RTN1: variants seen among roughly 807,000 people sequenced by gnomAD.
RTN1 encodes reticulon 1.
A neutral mutation model predicts 65.5 loss-of-function variants in RTN1; 25 were observed. That is an observed-to-expected ratio of 0.38 (90% CI 0.28 to 0.53). The LOEUF is 0.53. RTN1 is among the 20% of genes least tolerant of loss of function. The probability of loss-of-function intolerance (pLI) is 0.79; values close to 1 mark genes in which losing one functional copy is unlikely to be tolerated. For synonymous variants in RTN1, 471 were observed against 447.6 expected (o/e 1.05, Z -0.66); for missense variants, 983 against 1,025.4 (o/e 0.96, Z 0.57).
At chr14:59,664,686 G>A (rs1453756931) in intron 3 of RTN1, among the ~76,000 whole-genome samples, 1 of 152,042 alleles carries the variant, frequency 6.6e-6, no homozygotes, top group African/African-American at 2.4e-5. Context: ...TCAACAGTTT[G>A]TTCCTTTTTA....
intron 1 of RTN1, among the ~76,000 whole-genome samples, chr14:59,812,274 G>T (rs541357474): frequency 2.6e-5 from 4 of 152,168 alleles, no homozygotes; most frequent in Admixed American, 6.5e-5. Flanking sequence ...GAGGGTAAAA[G>T]ACATAACATT....
intron 2 of RTN1, among the ~76,000 whole-genome samples, chr14:59,730,570 C>G (rs1884876952): frequency 6.6e-6 from 1 of 152,080 alleles, no homozygotes; most frequent in African/African-American, 2.4e-5. Context: ...AAAGCACAAT[C>G]AACAGAACAG....
At chr14:59,859,034 T>A (rs901348618) in intron 1 of RTN1, among the ~76,000 whole-genome samples, 1 of 152,200 alleles carries the variant, frequency 6.6e-6, no homozygotes, top group African/African-American at 2.4e-5. Flanking sequence ...TAGAGGAGGA[T>A]TTTTAAAAGG....
At chr14:59,674,482 A>C (rs1259300100) in intron 3 of RTN1, among the ~76,000 whole-genome samples, 8 of 152,238 alleles carry the variant, frequency 5.3e-5, no homozygotes, top group Admixed American at 3.3e-4. Flanking sequence ...CAGATTAAGA[A>C]GCACGGAGTT....
chr14:59,677,357 A>ATGGTACCCCAC (rs1401440521), intron 3 of RTN1, among the ~76,000 whole-genome samples: 1 of 152,164 alleles, frequency 6.6e-6, no homozygotes, highest in Non-Finnish European at 1.5e-5. Context: ...TTTTCCAGGG[A>ATGGTACCCCAC]TGCTGGTACC....
intron 2 of RTN1, among the ~76,000 whole-genome samples, chr14:59,742,084 A>C (rs1207785632): frequency 6.6e-6 from 1 of 152,230 alleles, no homozygotes; most frequent in East Asian, 1.9e-4. Flanking sequence ...TCTGATGTAT[A>C]GAAGTCACTC....
intron 1 of RTN1, among the ~76,000 whole-genome samples, chr14:59,749,134 ATATC>A (rs200420785): frequency 7.7e-5 from 5 of 64,938 alleles, no homozygotes; most frequent in South Asian, 7.7e-4. Context: ...AGATATATCT[ATATC>A]TATCTATCTA....
chr14:59,637,893 C>A (rs1391093790), intron 3 of RTN1, among the ~76,000 whole-genome samples: 1 of 151,800 alleles, frequency 6.6e-6, no homozygotes, highest in Non-Finnish European at 1.5e-5. Flanking sequence ...CACTCGTCTC[C>A]CAGGCTGGAG....
chr14:59,848,329 T>A (rs556450247), intron 1 of RTN1, among the ~76,000 whole-genome samples: 1 of 152,230 alleles, frequency 6.6e-6, no homozygotes, highest in African/African-American at 2.4e-5. Context: ...CATTTTATTA[T>A]ATAAATTCTC....
intron 1 of RTN1, among the ~76,000 whole-genome samples, chr14:59,861,709 C>A (rs111971877): frequency 1.3e-5 from 2 of 152,190 alleles, no homozygotes; most frequent in African/African-American, 4.8e-5. Flanking sequence ...ATCACTAGTC[C>A]TAATTTTGCT....
intron 1 of RTN1, among the ~76,000 whole-genome samples, chr14:59,788,101 T>C (rs1886285435): frequency 6.6e-6 from 1 of 152,216 alleles, no homozygotes; most frequent in Admixed American, 6.5e-5. Context: ...TGAATGTACT[T>C]TGATTTTTTA....
At position 59,803,163 on chromosome 14, in the gene RTN1, C is replaced by T. The variant is rs1046668837; in HGVS notation, c.242-56682G>A. On this transcript the variant is annotated intron_variant, in intron 1 of 8. Transcript: ENST00000267484. This position sits in a 1 kb window ranked among gnomAD's most constrained non-coding sequence, Gnocchi z 5.6. ...TCTCCTATTCTTATGTGACTAAACA[C>T]AGCTAGAAAAAGTACACCTGTAATC... 1.3e-5 allele frequency among the ~76,000 whole-genome samples: 2 copies of T among 152,172 alleles called. No homozygotes were observed. The highest frequency in any genetic ancestry group is 6.5e-5 in the Admixed American group (1 of 15,274).
chr14:59,870,671 G>A lies in RTN1; in HGVS notation c.-41C>T, dbSNP rs2139686043. The A allele has an allele frequency of 2.2e-6, 3 of 1,335,846 alleles. No homozygotes were observed. The East Asian group carries it at 9.5e-5, about 42-fold the overall frequency. 82.7% of individuals were successfully genotyped at this position (1,335,846 alleles called of 1,614,324 possible). On this transcript the variant is annotated 5_prime_UTR_variant, in exon 1 of 9. Transcript: ENST00000267484. The surrounding 1 kb of genome is among the most constrained non-coding windows in gnomAD (Gnocchi z 5.1). Reference sequence around the variant, plus strand: ...GGCGCGGCGACGGCGGCTTGGCTGGGCAGAGGCTCGGTGGCTGCGCGGGCG... The same window carrying A: ...GGCGCGGCGACGGCGGCTTGGCTGGACAGAGGCTCGGTGGCTGCGCGGGCG...
chr14:59,840,229 G>A (rs1199703521), intron 1 of RTN1, among the ~76,000 whole-genome samples: 2 of 152,114 alleles, frequency 1.3e-5, no homozygotes, highest in Non-Finnish European at 2.9e-5. Context: ...GTTGGATGTT[G>A]GTGAGCTCAC....
rs1273239452 is a variant in RTN1, at chr14:59,783,799, T to C, written c.242-37318A>G. Among the ~76,000 whole-genome samples, 5 of 152,166 alleles carry C rather than the reference T, an allele frequency of 3.3e-5. No individual in the cohort carries two copies. The East Asian group carries it at 5.8e-4, about 18-fold the overall frequency. On this transcript the variant is annotated intron_variant, in intron 1 of 8. Transcript: ENST00000267484. ...GTAAAACAAAAACAATGAAGGGATGTTTTTCTCAACAGCTAGCAAAATGCA... is the reference window on the plus strand; with the variant it reads ...GTAAAACAAAAACAATGAAGGGATGCTTTTCTCAACAGCTAGCAAAATGCA...
chr14:59,622,537 A>G (rs1040995877), intron 3 of RTN1, among the ~76,000 whole-genome samples: 1 of 152,286 alleles, frequency 6.6e-6, no homozygotes, highest in East Asian at 1.9e-4. Flanking sequence ...GACAAACCTC[A>G]GTTGTTTCCA....
chr14:59,693,440 G>A (rs1021271083), intron 3 of RTN1, among the ~76,000 whole-genome samples: 2 of 151,870 alleles, frequency 1.3e-5, no homozygotes, highest in African/African-American at 4.8e-5. Flanking sequence ...CTGAGATTTT[G>A]GTGCACCCAT....
At chr14:59,839,477 T>C (rs1430168213) in intron 1 of RTN1, among the ~76,000 whole-genome samples, 1 of 152,174 alleles carries the variant, frequency 6.6e-6, no homozygotes, top group Non-Finnish European at 1.5e-5. Context: ...GCATTGATAA[T>C]CTTCCTCCCT....
intron 3 of RTN1, among the ~76,000 whole-genome samples, chr14:59,667,954 G>A (rs923759605): frequency 2.0e-5 from 3 of 152,068 alleles, no homozygotes; most frequent in Admixed American, 6.6e-5. Context: ...AAATAAAAGA[G>A]GACACGAACA....
Sources: allele counts gnomAD v4.1 joint callset (sites outside exome capture counted in the v4.1 genomes callset), GRCh38; gene constraint gnomAD v4.1.1; non-coding constraint Gnocchi (gnomAD v3.1); transcripts MANE v1.5; gene names NCBI Gene and HGNC (gene_info 2026-07-23, HGNC 2026-07-21).